PRKD1: variants seen among roughly 807,000 people sequenced by gnomAD.
The protein encoded by PRKD1 is protein kinase D1.
PRKD1 carries 63 observed loss-of-function variants against 95.9 expected under a neutral mutation model. The ratio of observed to expected loss-of-function variants is 0.66; its 90% CI spans 0.54 to 0.81. PRKD1 has a LOEUF of 0.81. Ranked by LOEUF, PRKD1 falls within the 30% of genes least tolerant of loss-of-function variation. PRKD1 has a pLI of 0.00. For synonymous variants in PRKD1, 425 were observed against 423.1 expected (o/e 1.00, Z -0.05); for missense variants, 1,048 against 1,165.3 (o/e 0.90, Z 1.47).
At chr14:29,675,123 C>T (rs894581669) in intron 2 of PRKD1, among the ~76,000 whole-genome samples, 1 of 152,168 alleles carries the variant, frequency 6.6e-6, no homozygotes, top group African/African-American at 2.4e-5. Context: ...AAGGAGGGAA[C>T]TTGGTACTTA....
chr14:29,679,695 T>C (rs527936509), intron 2 of PRKD1, among the ~76,000 whole-genome samples: 1 of 150,806 alleles, frequency 6.6e-6, no homozygotes, highest in South Asian at 2.1e-4. Context: ...AGAGAAAGAT[T>C]AGCTGTAAAA....
chr14:29,577,547 A>G (rs1594332459), intron 17 of PRKD1, 91 bp from the exon 18 acceptor site: 1 of 1,236,466 alleles, frequency 8.1e-7, no homozygotes, highest in Admixed American at 1.9e-5. Flanking sequence ...TCTATGAGTT[A>G]CCCTTCTCCT....
chr14:29,745,231 C>T (rs984013936), intron 1 of PRKD1, among the ~76,000 whole-genome samples: 1 of 152,096 alleles, frequency 6.6e-6, no homozygotes, highest in African/African-American at 2.4e-5. Context: ...TAAGTCATCA[C>T]CACCTACACT....
intron 1 of PRKD1, among the ~76,000 whole-genome samples, chr14:29,734,129 G>A (rs1197014788): frequency 2.2e-5 from 3 of 133,472 alleles, no homozygotes; most frequent in African/African-American, 8.5e-5. Flanking sequence ...TGCAACCTCC[G>A]CCTCCCAGGT....
chr14:29,680,742 T>C (rs975768396), intron 2 of PRKD1, among the ~76,000 whole-genome samples: 7 of 152,114 alleles, frequency 4.6e-5, no homozygotes, highest in South Asian at 2.1e-4. Context: ...AGACTAGGGG[T>C]TCAAGAAACA....
intron 1 of PRKD1, among the ~76,000 whole-genome samples, chr14:29,872,715 G>T (rs1411415749): frequency 6.7e-6 from 1 of 150,350 alleles, no homozygotes. Context: ...TTTCTTTCTT[G>T]CCCTTTAGAA....
chr14:29,609,356 T>C (rs2139042222), intron 13 of PRKD1, among the ~76,000 whole-genome samples: 1 of 152,210 alleles, frequency 6.6e-6, no homozygotes, highest in African/African-American at 2.4e-5. Context: ...CAATGCATGA[T>C]TACAATTTTT....
chr14:29,872,040 G>C (rs1464358398), intron 1 of PRKD1, among the ~76,000 whole-genome samples: 1 of 152,100 alleles, frequency 6.6e-6, no homozygotes, highest in Non-Finnish European at 1.5e-5. Context: ...GCAGCAGCTG[G>C]GTTCAGTGAA....
At chr14:29,737,782 A>AG (rs1886799421) in intron 1 of PRKD1, among the ~76,000 whole-genome samples, 11 of 152,204 alleles carry the variant, frequency 7.2e-5, no homozygotes, top group Admixed American at 7.2e-4. Context: ...GTAGATCCTG[A>AG]GGTCTACTGG....
At chr14:29,785,933 A>G (rs1253504112) in intron 1 of PRKD1, among the ~76,000 whole-genome samples, 2 of 150,818 alleles carry the variant, frequency 1.3e-5, no homozygotes, top group African/African-American at 4.9e-5. Flanking sequence ...CTTAAGAGTA[A>G]AGGCTTTCAG....
chr14:29,848,347 G>A (rs974967125), intron 1 of PRKD1, among the ~76,000 whole-genome samples: 1 of 151,862 alleles, frequency 6.6e-6, no homozygotes, highest in African/African-American at 2.4e-5. Flanking sequence ...AAGAATTAAA[G>A]GGCCAGTACT....
intron 1 of PRKD1, among the ~76,000 whole-genome samples, chr14:29,917,049 G>A (rs76896112): frequency 0.016 from 2,428 of 152,168 alleles, 43 homozygotes; most frequent in Middle Eastern, 0.048. Context: ...TTAGAAGGGA[G>A]GGGGGGAAAT....
chr14:29,721,074 T>C (rs1359332337), intron 2 of PRKD1, among the ~76,000 whole-genome samples: 2 of 152,320 alleles, frequency 1.3e-5, no homozygotes, highest in Non-Finnish European at 2.9e-5. Context: ...ATTATGTTTG[T>C]TCACTTTTAC....
chr14:29,748,851 CTGAA>C (rs1887349975), intron 1 of PRKD1, among the ~76,000 whole-genome samples: 2 of 152,186 alleles, frequency 1.3e-5, no homozygotes, highest in East Asian at 1.9e-4. Flanking sequence ...TTAAAACATT[CTGAA>C]TGAATGAGTA....
intron 2 of PRKD1, among the ~76,000 whole-genome samples, chr14:29,668,830 G>A (rs991569133): frequency 1.3e-5 from 2 of 152,170 alleles, no homozygotes; most frequent in Non-Finnish European, 2.9e-5. Context: ...GATATAATGA[G>A]AGGAAATGCT....
At chr14:29,799,563 A>G (rs1455697018) in intron 1 of PRKD1, among the ~76,000 whole-genome samples, 4 of 152,248 alleles carry the variant, frequency 2.6e-5, no homozygotes, top group African/African-American at 9.6e-5. Context: ...TGAACATAAA[A>G]TCTTCAGAAG....
chr14:29,857,029 T>A (rs1167805228), intron 1 of PRKD1, among the ~76,000 whole-genome samples: 1 of 152,198 alleles, frequency 6.6e-6, no homozygotes, highest in Non-Finnish European at 1.5e-5. Context: ...CAACTGCATT[T>A]ACTAGCCCTG....
intron 1 of PRKD1, among the ~76,000 whole-genome samples, chr14:29,800,390 A>G (rs1889977084): frequency 6.6e-6 from 1 of 152,144 alleles, no homozygotes; most frequent in South Asian, 2.1e-4. Context: ...GTCCACTTCT[A>G]CTTCATTAAA....
At chr14:29,803,246 A>T (rs114677800) in intron 1 of PRKD1, among the ~76,000 whole-genome samples, 3,022 of 152,332 alleles carry the variant, frequency 0.02, 106 homozygotes, top group Admixed American at 0.086. Flanking sequence ...ATATTGTGAA[A>T]TACAATGTAC....
Sources: gnomAD v4.1 joint callset for allele counts (sites outside exome capture counted in the v4.1 genomes callset) on GRCh38, gnomAD v4.1.1 for gene constraint, MANE v1.5 for transcripts, NCBI Gene and HGNC (gene_info 2026-07-23, HGNC 2026-07-21) for gene names.